The following CNTN4 variants were observed in gnomAD, a reference collection of about 807,000 sequenced individuals.
CNTN4 encodes contactin-4.
CNTN4 carries 77 observed loss-of-function variants against 122.5 expected under a neutral mutation model. The observed-to-expected ratio is 0.63, with a 90% confidence interval of 0.52 to 0.76. CNTN4 has a LOEUF of 0.76. CNTN4 is among the 30% of genes least tolerant of loss of function. The pLI is 0.00. For missense variants in CNTN4, 1,256 were observed against 1,259.1 expected (o/e 1.00, Z 0.04); for synonymous variants, 512 against 447.0 (o/e 1.15, Z -1.83).
At chr3:2,353,454 A>G (rs145508819) in intron 3 of CNTN4, among the ~76,000 whole-genome samples, 89 of 152,218 alleles carry the variant, frequency 5.8e-4, no homozygotes, top group African/African-American at 2.1e-3. Flanking sequence ...GCTCTTTGCA[A>G]TAAATCTTGC....
chr3:2,399,726 C>G (rs952520420), intron 3 of CNTN4, among the ~76,000 whole-genome samples: 2 of 152,098 alleles, frequency 1.3e-5, no homozygotes, highest in Non-Finnish European at 2.9e-5. Flanking sequence ...CTCTAAAAAT[C>G]ACTGCAATTA....
At chr3:2,323,296 A>T (rs2043334130) in intron 2 of CNTN4, among the ~76,000 whole-genome samples, 1 of 152,114 alleles carries the variant, frequency 6.6e-6, no homozygotes, top group South Asian at 2.1e-4. Flanking sequence ...TGGCCAGGGG[A>T]GGGAAAGTCA....
chr3:3,035,499 T>C (rs568818400), intron 17 of CNTN4, among the ~76,000 whole-genome samples: 2 of 152,154 alleles, frequency 1.3e-5, no homozygotes, highest in Non-Finnish European at 2.9e-5. Context: ...ACAGACTTCA[T>C]AAAGTTTACA....
At chr3:2,828,132 TGTGTGTGTGTGC>T (rs2093026571) in intron 7 of CNTN4, among the ~76,000 whole-genome samples, 1 of 151,922 alleles carries the variant, frequency 6.6e-6, no homozygotes. Flanking sequence ...TTTGTGTATG[TGTGTGTGTGTGC>T]GTGTGTGTAT....
intron 4 of CNTN4, among the ~76,000 whole-genome samples, chr3:2,685,367 C>G (rs965233982): frequency 2.0e-5 from 3 of 152,076 alleles, no homozygotes; most frequent in Non-Finnish European, 4.4e-5. Context: ...TCTTCAAATT[C>G]AAGAATACAC....
intron 3 of CNTN4, among the ~76,000 whole-genome samples, chr3:2,435,443 T>C (rs1477988673): frequency 6.6e-6 from 1 of 152,146 alleles, no homozygotes. Context: ...GAAATGTCTG[T>C]ACATGTTCAG....
At chr3:3,045,434 C>A (rs1700547964) in intron 23 of CNTN4, among the ~76,000 whole-genome samples, 1 of 152,218 alleles carries the variant, frequency 6.6e-6, no homozygotes, top group South Asian at 2.1e-4. Flanking sequence ...GACAAAACTT[C>A]CAGAGGAACG....
intron 3 of CNTN4, among the ~76,000 whole-genome samples, chr3:2,517,798 T>A (rs2077082889): frequency 6.6e-6 from 1 of 152,160 alleles, no homozygotes. Context: ...GGCATAATGC[T>A]TGACTCCAGG....
intron 3 of CNTN4, among the ~76,000 whole-genome samples, chr3:2,339,935 G>T (rs2044118975): frequency 6.6e-6 from 1 of 152,166 alleles, no homozygotes; most frequent in Non-Finnish European, 1.5e-5. Flanking sequence ...TCTGGTGGTT[G>T]CTGGCAATGT....
At chr3:2,531,029 A>T (rs141370055) in intron 3 of CNTN4, among the ~76,000 whole-genome samples, 17 of 152,180 alleles carry the variant, frequency 1.1e-4, no homozygotes, top group Non-Finnish European at 2.1e-4. Flanking sequence ...GAAGTATACT[A>T]TCTCTACTAA....
chr3:2,782,294 G>GC (rs1173178062), intron 6 of CNTN4, among the ~76,000 whole-genome samples: 2 of 151,452 alleles, frequency 1.3e-5, no homozygotes, highest in Non-Finnish European at 2.9e-5. Flanking sequence ...ATGGTAGGTG[G>GC]GGGGGGGCCT....
At chr3:2,279,088 T>C (rs2041622812) in intron 2 of CNTN4, among the ~76,000 whole-genome samples, 1 of 151,824 alleles carries the variant, frequency 6.6e-6, no homozygotes, top group Non-Finnish European at 1.5e-5. Context: ...CTAAGTGGCT[T>C]GCTCACGTTA....
intron 2 of CNTN4, among the ~76,000 whole-genome samples, chr3:2,160,996 G>T (rs891843554): frequency 6.6e-6 from 1 of 152,048 alleles, no homozygotes; most frequent in African/African-American, 2.4e-5. Context: ...GTTTACTTAT[G>T]GTTGTGTTCA....
chr3:2,999,715 C>T (rs1427518741), intron 14 of CNTN4, among the ~76,000 whole-genome samples: 1 of 152,146 alleles, frequency 6.6e-6, no homozygotes, highest in African/African-American at 2.4e-5. Flanking sequence ...GACACCTAAC[C>T]TCATTCATGA....
At chr3:2,186,173 A>T (rs2037253203) in intron 2 of CNTN4, among the ~76,000 whole-genome samples, 3 of 150,978 alleles carry the variant, frequency 2.0e-5, no homozygotes, top group Non-Finnish European at 1.5e-5. Context: ...GAGTGAGAAC[A>T]TGCAGTGTTT....
chr3:2,123,618 C>T (rs990562100), intron 2 of CNTN4, among the ~76,000 whole-genome samples: 8 of 152,162 alleles, frequency 5.3e-5, no homozygotes, highest in African/African-American at 9.7e-5. Context: ...ACTGACATCT[C>T]GCAAGATTAA....
At chr3:2,932,193 C>G (rs958261052) in intron 13 of CNTN4, among the ~76,000 whole-genome samples, 7 of 151,920 alleles carry the variant, frequency 4.6e-5, no homozygotes, top group Admixed American at 6.6e-5. Flanking sequence ...CTGGCTAACA[C>G]GGTGAAACCC....
intron 2 of CNTN4, among the ~76,000 whole-genome samples, chr3:2,151,317 T>C (rs753379200): frequency 6.6e-6 from 1 of 152,108 alleles, no homozygotes; most frequent in Non-Finnish European, 1.5e-5. Context: ...GAAGCATCTA[T>C]GAGGAAGTGG....
chr3:2,103,231 G>C (rs1291357013), intron 2 of CNTN4, among the ~76,000 whole-genome samples: 1 of 150,842 alleles, frequency 6.6e-6, no homozygotes, highest in Non-Finnish European at 1.5e-5. Flanking sequence ...TAAGCCACTG[G>C]ACCGCTTTTT....
Sources: gnomAD v4.1 joint callset for allele counts (sites outside exome capture counted in the v4.1 genomes callset) on GRCh38, gnomAD v4.1.1 for gene constraint, MANE v1.5 for transcripts, NCBI Gene and HGNC (gene_info 2026-07-23, HGNC 2026-07-21) for gene names.